IQCM: variants seen among roughly 807,000 people sequenced by gnomAD.
IQCM encodes IQ motif containing M.
In IQCM, 45 loss-of-function variants were observed where a neutral mutation model predicts 57.6. That is an observed-to-expected ratio of 0.78 (90% CI 0.62 to 1.00). The LOEUF (loss-of-function observed/expected upper bound fraction) is 1.00. IQCM is among the 50% of genes least tolerant of loss of function. IQCM has a pLI of 0.00. For synonymous variants in IQCM, 148 were observed against 158.9 expected, an observed-to-expected ratio of 0.93 and a Z score of 0.51; for missense variants, 468 against 511.6, an observed-to-expected ratio of 0.91 and a Z score of 0.82.
At chr4:149,783,432 T>G (rs1336751549) in intron 2 of IQCM, among the ~76,000 whole-genome samples, 1 of 152,208 alleles carries the variant, frequency 6.6e-6, no homozygotes, top group East Asian at 1.9e-4. Context: ...ACCTGATTAT[T>G]ACATTAGCCT....
At chr4:149,790,920 C>A (rs1052703499) in intron 2 of IQCM, among the ~76,000 whole-genome samples, 3 of 151,670 alleles carry the variant, frequency 2.0e-5, no homozygotes, top group Non-Finnish European at 4.4e-5. Flanking sequence ...TGTTTTACTG[C>A]CCTTGTAGTA....
chr4:149,515,397 G>C (rs1230099866), intron 12 of IQCM, among the ~76,000 whole-genome samples: 1 of 152,134 alleles, frequency 6.6e-6, no homozygotes, highest in African/African-American at 2.4e-5. Context: ...GGCTTGAGCA[G>C]GTCCTGAAGA....
chr4:149,579,273 C>T (rs1751943900), intron 9 of IQCM, among the ~76,000 whole-genome samples: 1 of 151,714 alleles, frequency 6.6e-6, no homozygotes, highest in South Asian at 2.1e-4. Flanking sequence ...ATGTGTATCC[C>T]ATGCTTATGA....
chr4:149,437,895 A>T (rs1350738989), intron 12 of IQCM, among the ~76,000 whole-genome samples: 1 of 152,112 alleles, frequency 6.6e-6, no homozygotes, highest in Non-Finnish European at 1.5e-5. Flanking sequence ...AACCCTGGAG[A>T]TTCCTAAATT....
In IQCM at chr4:149,741,205, A is replaced by G. The variant is rs140459838; in HGVS notation, c.37+1450T>C. ...AACTCTTCAGTTCTAAATTAAAGGC[A>G]CTCTGTTGAGTTGTCTCTTACTGAC... On this transcript the variant is annotated intron_variant, in intron 3 of 13. Transcript: ENST00000636793. 4.7e-3 allele frequency among the ~76,000 whole-genome samples: 715 copies of G among 152,064 alleles called. 6 individuals are homozygous for G. The highest frequency in any genetic ancestry group is 0.016 in the African/African-American group (684 of 41,490).
At chr4:149,641,958 C>T (rs1478242270) in intron 7 of IQCM, among the ~76,000 whole-genome samples, 2 of 152,080 alleles carry the variant, frequency 1.3e-5, no homozygotes, top group Non-Finnish European at 2.9e-5. Context: ...TCAACAATTT[C>T]ACTGTAGATA....
intron 2 of IQCM, among the ~76,000 whole-genome samples, chr4:149,779,965 G>A (rs72961785): frequency 0.12 from 18,774 of 152,048 alleles, 1,269 homozygotes; most frequent in Middle Eastern, 0.17. Context: ...TCTAATGGCT[G>A]TCACTAGTGA....
chr4:149,399,518 A>G (rs1474744700), intron 13 of IQCM, among the ~76,000 whole-genome samples: 1 of 152,088 alleles, frequency 6.6e-6, no homozygotes, highest in Non-Finnish European at 1.5e-5. Context: ...CTCTGCCTCA[A>G]ATAGCAACAA....
intron 12 of IQCM, among the ~76,000 whole-genome samples, chr4:149,471,449 C>A (rs1027566635): frequency 6.6e-6 from 1 of 152,122 alleles, no homozygotes; most frequent in Non-Finnish European, 1.5e-5. Flanking sequence ...AGACCAATAA[C>A]AGGTTCTGAA....
chr4:149,637,717 C>T (rs1757847789), intron 7 of IQCM, among the ~76,000 whole-genome samples: 1 of 152,084 alleles, frequency 6.6e-6, no homozygotes, highest in African/African-American at 2.4e-5. Flanking sequence ...GTACCTAAAT[C>T]GACCTGCATA....
chr4:149,541,055 A>G (rs1215238686), intron 12 of IQCM, among the ~76,000 whole-genome samples: 1 of 152,144 alleles, frequency 6.6e-6, no homozygotes, highest in Admixed American at 6.6e-5. Flanking sequence ...CTAGATAATT[A>G]AACTTTACGA....
At chr4:149,515,572 C>T (rs752941874) in intron 12 of IQCM, among the ~76,000 whole-genome samples, 20 of 152,140 alleles carry the variant, frequency 1.3e-4, no homozygotes, top group African/African-American at 2.7e-4. Context: ...TGGTTCTGCA[C>T]GATATGCAGG....
At chr4:149,399,296 T>C (rs1236840632) in intron 13 of IQCM, among the ~76,000 whole-genome samples, 1 of 151,948 alleles carries the variant, frequency 6.6e-6, no homozygotes, top group South Asian at 2.1e-4. Flanking sequence ...CAGGTTTTGG[T>C]TCCCACTGGA....
chr4:149,814,841 T>C (rs1037403272), intron 2 of IQCM, among the ~76,000 whole-genome samples: 3 of 151,974 alleles, frequency 2.0e-5, no homozygotes, highest in Non-Finnish European at 4.4e-5. Flanking sequence ...ATGAATCATA[T>C]ACAGTTAAAA....
intron 8 of IQCM, among the ~76,000 whole-genome samples, chr4:149,609,600 T>C (rs915639929): frequency 6.6e-6 from 1 of 151,936 alleles, no homozygotes; most frequent in Non-Finnish European, 1.5e-5. Flanking sequence ...TTAATGAATG[T>C]GATACATCAT....
rs1031225770 is a variant in IQCM, at chr4:149,497,171, C to A, written c.1228+51284G>T. Among the ~76,000 whole-genome samples, 7 of 152,082 alleles carry A rather than the reference C, an allele frequency of 4.6e-5. No homozygotes were observed. In the South Asian group the frequency reaches 1.5e-3, roughly 32 times the overall value. Reference sequence around the variant, plus strand: ...TCTTTCAAAGAATGCTCTGAGTGACCCCAGCTCCCACCTCCTCAGCTGGAT... The same window carrying A: ...TCTTTCAAAGAATGCTCTGAGTGACACCAGCTCCCACCTCCTCAGCTGGAT... On this transcript the variant is annotated intron_variant, in intron 12 of 13. Transcript: ENST00000636793.
rs374797390 is a variant in IQCM at position 149,688,386 on chromosome 4, T to C, written c.386-1918A>G. Among the ~76,000 whole-genome samples, 33 of 151,822 alleles carry C rather than the reference T, an allele frequency of 2.2e-4. No individual in the cohort carries two copies. The South Asian group carries it at 5.0e-3, about 23-fold the overall frequency. ...ACAAAAAATAAAATACTTAAGAATA[T>C]ACCTAACCAAGGAGGCAAAAGACCT... On this transcript the variant is annotated intron_variant, in intron 5 of 13. Transcript: ENST00000636793.
intron 5 of IQCM, among the ~76,000 whole-genome samples, chr4:149,711,530 G>A (rs1419137933): frequency 6.6e-6 from 1 of 152,144 alleles, no homozygotes; most frequent in Non-Finnish European, 1.5e-5. Context: ...CTGATAAGTA[G>A]GAGATACTCA....
chr4:149,386,772 G>A (rs2111062173), intron 13 of IQCM, among the ~76,000 whole-genome samples: 1 of 151,920 alleles, frequency 6.6e-6, no homozygotes, highest in East Asian at 1.9e-4. Flanking sequence ...TGGGTCAGGT[G>A]TTCTATAGAA....
Sources: allele counts gnomAD v4.1 joint callset (sites outside exome capture counted in the v4.1 genomes callset), GRCh38; gene constraint gnomAD v4.1.1; transcripts MANE v1.5; gene names NCBI Gene and HGNC (gene_info 2026-07-23, HGNC 2026-07-21).